Variants in CCDC136 observed in about 807,000 individuals in gnomAD.
The protein encoded by CCDC136 is coiled-coil domain containing 136.
A neutral mutation model predicts 141.2 loss-of-function variants in CCDC136; 100 were observed. That is an observed-to-expected ratio of 0.71 (90% CI 0.60 to 0.84). The LOEUF (loss-of-function observed/expected upper bound fraction) is 0.84, where lower values mean the gene tolerates loss of function less well. Among genes scored for constraint, CCDC136 ranks in the 40% least tolerant of loss-of-function variants. CCDC136 has a pLI of 0.00. For missense variants in CCDC136, 1,206 were observed against 1,379.4 expected (o/e 0.87, Z 1.99); for synonymous variants, 474 against 531.9 (o/e 0.89, Z 1.50).
intron 16 of CCDC136, among the ~76,000 whole-genome samples, chr7:128,816,265 C>G (rs1335850647): frequency 1.3e-5 from 2 of 152,212 alleles, no homozygotes; most frequent in Admixed American, 1.3e-4. Flanking sequence ...CCTCTTTTGG[C>G]ACTGCAGGAA....
At chr7:128,813,851 G>A (rs1050156295) in intron 14 of CCDC136, among the ~76,000 whole-genome samples, 3 of 151,980 alleles carry the variant, frequency 2.0e-5, no homozygotes, top group Non-Finnish European at 4.4e-5. Flanking sequence ...GCATGGTGGC[G>A]CATGCCTGTA....
Position 128,810,132 on chromosome 7 carries a change from G to A in CCDC136, c.1801-7G>A, listed in dbSNP as rs777292630. 11 of 1,560,694 alleles carry A rather than the reference G, an allele frequency of 7.0e-6. No homozygotes were observed. The highest frequency in any genetic ancestry group is 6.8e-5 in the African/African-American group (5 of 73,398). ...TCCCTTGCCTCCTTCCTTCTACTCC[G>A]CCTCAGAGTCAGGAGCTACTCACCA... On this transcript the variant is annotated splice_polypyrimidine_tract_variant and splice_region_variant and intron_variant, in intron 11 of 17. Coordinates refer to ENST00000297788, the MANE Select transcript of CCDC136 (RefSeq NM_022742.5).
intron 3 of CCDC136, among the ~76,000 whole-genome samples, chr7:128,798,029 T>C (rs1803321211): frequency 1.3e-5 from 2 of 150,850 alleles, no homozygotes; most frequent in Admixed American, 6.6e-5. Context: ...GCCATTCTCC[T>C]GCCTCAGCCT....
In CCDC136 at chr7:128,809,652, T is replaced by G. The variant is rs1805416216; in HGVS notation, c.1800+8T>G. ...AGTGGCCTCTTACTCAAGGTAACTC[T>G]GCCACAGGCAGCTGCTAACTGCGGG... On this transcript the variant is annotated splice_region_variant and intron_variant, in intron 11 of 17. Transcript: ENST00000297788. The G allele has an allele frequency of 1.3e-6, 2 of 1,498,260 alleles. No homozygotes were observed. The highest frequency in any genetic ancestry group is 1.8e-6 in the Non-Finnish European group (2 of 1,120,456). 92.8% of individuals were successfully genotyped at this position (1,498,260 alleles called of 1,614,324 possible).
At chr7:128,812,447 G>A (rs990118666) in intron 13 of CCDC136, 135 bp downstream of exon 13, 50 of 1,016,678 alleles carry the variant, frequency 4.9e-5, no homozygotes, top group Admixed American at 1.1e-4. Context: ...GGAAGTAAGC[G>A]AAGCCCTCTA....
chr7:128,797,787 T>C (rs1803267805), intron 3 of CCDC136, among the ~76,000 whole-genome samples: 1 of 152,176 alleles, frequency 6.6e-6, no homozygotes, highest in Admixed American at 6.5e-5. Flanking sequence ...TGCTAGATCA[T>C]GTATAATGAA....
At chr7:128,795,057 A>C (rs759645185) in intron 3 of CCDC136, among the ~76,000 whole-genome samples, 1 of 151,780 alleles carries the variant, frequency 6.6e-6, no homozygotes, top group Non-Finnish European at 1.5e-5. Flanking sequence ...TTGCCCCTTC[A>C]GCCTCCTCCT....
intron 17 of CCDC136, among the ~76,000 whole-genome samples, chr7:128,820,725 A>G (rs1807332739): frequency 6.6e-6 from 1 of 152,006 alleles, no homozygotes; most frequent in Non-Finnish European, 1.5e-5. Context: ...CAGCCTCCGG[A>G]TCTCTTGGTT....
At chr7:128,791,581 C>A, upstream of CCDC136, 1 of 1,230,772 alleles carries the variant, frequency 8.1e-7, no homozygotes, top group Non-Finnish European at 1.0e-6. The surrounding 1 kb of genome is among the most constrained non-coding windows in gnomAD (Gnocchi z 7.1). Context: ...CACCTGTCTA[C>A]CGCCCCTCCT....
intron 9 of CCDC136, 131 bp downstream of exon 9, chr7:128,806,989 G>A (rs1804959346): frequency 2.4e-6 from 2 of 850,862 alleles, no homozygotes; most frequent in African/African-American, 3.4e-5. Context: ...AGGTGCTTAG[G>A]AGAAAGGTGA....
At position 128,817,727 on chromosome 7, in the gene CCDC136, C is replaced by T. The variant is rs779442002; in HGVS notation, c.3364-31C>T. 5 of 1,453,570 alleles carry T rather than the reference C, an allele frequency of 3.4e-6. No homozygotes were observed. Among genetic ancestry groups the T allele is most frequent in the Admixed American group, 1.7e-5 (1 of 59,788 alleles). 90.0% of individuals were successfully genotyped at this position (1,453,570 alleles called of 1,614,324 possible). A position where few individuals can be genotyped will look rare whatever the true frequency, so the allele number is the denominator to read the frequency against. On this transcript the variant is annotated intron_variant, in intron 16 of 17. Transcript: ENST00000297788. This position sits in a 1 kb window ranked among gnomAD's most constrained non-coding sequence, Gnocchi z 4.6. The stretch of plus-strand genomic sequence containing the variant: ...TGTCTCACATCTCCTGGTCTCTCCT[C>T]GTGCTTCTTTCTCATTTTGGTGTGT...
Position 128,822,104 on chromosome 7 carries a change from T to C in CCDC136, c.*311T>C. The C allele has an allele frequency of 1.7e-6, 2 of 1,179,310 alleles. No individual in the cohort carries two copies. Among genetic ancestry groups the C allele is most frequent in the Non-Finnish European group, 2.1e-6 (2 of 935,672 alleles). The allele number at this position is 1,179,310 out of a possible 1,614,324, so 73.1% of individuals were successfully genotyped here. On this transcript the variant is annotated 3_prime_UTR_variant, in exon 18 of 18. Coordinates refer to ENST00000297788, the MANE Select transcript of CCDC136 (RefSeq NM_022742.5). ...TGCCTTGTGTAAGAACCTGAGTTCC[T>C]TGTAATTAAATATCAACTGAATTAC...
chr7:128,808,403 AC>A (rs1407474759), intron 10 of CCDC136: 2 of 809,354 alleles, frequency 2.5e-6, no homozygotes, highest in Non-Finnish European at 3.0e-6. Context: ...CTCTTAACTC[AC>A]TTCCTTTTAG....
chr7:128,805,983 G>A lies in CCDC136; in HGVS notation c.1089+82G>A. Reference sequence around the variant, plus strand: ...CTGCTTCAACCGGGGTGGGCACAGTGAGTATGGCTGTGCTCTGCTGACTCT... The same window carrying A: ...CTGCTTCAACCGGGGTGGGCACAGTAAGTATGGCTGTGCTCTGCTGACTCT... On this transcript the variant is annotated intron_variant, in intron 7 of 17. Coordinates refer to ENST00000297788, the MANE Select transcript of CCDC136 (RefSeq NM_022742.5). The surrounding 1 kb of genome is among the most constrained non-coding windows in gnomAD (Gnocchi z 4.6). The A allele has an allele frequency of 1.3e-6, 2 of 1,492,328 alleles. No individual in the cohort carries two copies. Among genetic ancestry groups the A allele is most frequent in the South Asian group, 1.2e-5 (1 of 84,362 alleles). The allele number at this position is 1,492,328 out of a possible 1,614,324, so 92.4% of individuals were successfully genotyped here. A position where few individuals can be genotyped will look rare whatever the true frequency, so the allele number is the denominator to read the frequency against.
At chr7:128,820,692 G>A (rs544207908) in intron 17 of CCDC136, among the ~76,000 whole-genome samples, 10 of 152,230 alleles carry the variant, frequency 6.6e-5, no homozygotes, top group African/African-American at 2.2e-4. Context: ...TTGAACTCCC[G>A]GTCTCAAGCG....
intron 3 of CCDC136, among the ~76,000 whole-genome samples, chr7:128,798,195 G>C (rs562202644): frequency 4.0e-5 from 6 of 149,732 alleles, no homozygotes; most frequent in Admixed American, 6.7e-5. Flanking sequence ...GGGATTAAAG[G>C]CGTGAGCCAC....
At position 128,812,696 on chromosome 7, in the gene CCDC136, C is replaced by A. The variant is rs768568723; in HGVS notation, c.2542-12C>A. 37 of 1,605,294 alleles carry A rather than the reference C, an allele frequency of 2.3e-5. No homozygotes were observed. In the Admixed American group the frequency reaches 4.7e-4, roughly 20 times the overall value. ...CCTCAGGGTGCTATTGTTGCTCCCCCACCCCCCGCAGCGCTTTGAGGAAAT... is the reference window on the plus strand; with the variant it reads ...CCTCAGGGTGCTATTGTTGCTCCCCAACCCCCCGCAGCGCTTTGAGGAAAT... On this transcript the variant is annotated splice_polypyrimidine_tract_variant and intron_variant, in intron 13 of 17. Coordinates refer to ENST00000297788, the MANE Select transcript of CCDC136 (RefSeq NM_022742.5).
intron 15 of CCDC136, among the ~76,000 whole-genome samples, chr7:128,815,183 A>G (rs935058108): frequency 6.6e-6 from 1 of 152,210 alleles, no homozygotes; most frequent in Non-Finnish European, 1.5e-5. Context: ...CAACTCCTTC[A>G]GTTTGCCCAG....
intron 4 of CCDC136, among the ~76,000 whole-genome samples, chr7:128,803,259 G>A (rs1327583369): frequency 6.6e-6 from 1 of 152,118 alleles, no homozygotes; most frequent in Non-Finnish European, 1.5e-5. Context: ...TTCTACCTTG[G>A]CCTTCCAAAA....
Sources: allele counts gnomAD v4.1 joint callset (sites outside exome capture counted in the v4.1 genomes callset), GRCh38; gene constraint gnomAD v4.1.1; non-coding constraint Gnocchi (gnomAD v3.1); transcripts MANE v1.5; gene names NCBI Gene and HGNC (gene_info 2026-07-23, HGNC 2026-07-21).